AUTS2: variants seen among roughly 807,000 people sequenced by gnomAD.
AUTS2 encodes autism susceptibility gene 2 protein.
In AUTS2, 17 loss-of-function variants were observed where a neutral mutation model predicts 112.4. The observed-to-expected ratio is 0.15, with a 90% CI of 0.10 to 0.23. The LOEUF is 0.23. Among genes scored for constraint, AUTS2 ranks in the 10% least tolerant of loss-of-function variants. The pLI is 1.00. For missense variants in AUTS2, 1,510 were observed against 1,701.6 expected, an observed-to-expected ratio of 0.89 and a Z score of 1.98; for synonymous variants, 751 against 702.7, an observed-to-expected ratio of 1.07 and a Z score of -1.09.
At chr7:70,439,716 A>C (rs913620181) in intron 5 of AUTS2, among the ~76,000 whole-genome samples, 1 of 152,152 alleles carries the variant, frequency 6.6e-6, no homozygotes, top group Non-Finnish European at 1.5e-5. Context: ...ATTCGAAATG[A>C]ATTGGTATCA....
chr7:69,742,358 A>G (rs1787306283), intron 1 of AUTS2, among the ~76,000 whole-genome samples: 1 of 152,030 alleles, frequency 6.6e-6, no homozygotes, highest in Admixed American at 6.6e-5. Context: ...CTAGGGGGAA[A>G]GATTTTCTTC....
chr7:70,433,566 TCTCAA>T (rs1562954614), intron 4 of AUTS2, among the ~76,000 whole-genome samples: 1 of 152,182 alleles, frequency 6.6e-6, no homozygotes, highest in East Asian at 1.9e-4. Context: ...CCAATTTCTT[TCTCAA>T]CTCATTTGAC....
At chr7:70,687,294 A>G (rs547670703) in intron 5 of AUTS2, among the ~76,000 whole-genome samples, 2 of 152,338 alleles carry the variant, frequency 1.3e-5, no homozygotes, top group African/African-American at 2.4e-5. Flanking sequence ...GAGGCCTCAC[A>G]GTTCTCATCA....
chr7:70,023,657 A>C (rs893393068), intron 2 of AUTS2, among the ~76,000 whole-genome samples: 1 of 152,206 alleles, frequency 6.6e-6, no homozygotes, highest in Non-Finnish European at 1.5e-5. Context: ...GGAGGATTCA[A>C]AGCAACATTC....
intron 5 of AUTS2, among the ~76,000 whole-genome samples, chr7:70,511,748 G>A (rs1240404305): frequency 6.6e-6 from 1 of 151,390 alleles, no homozygotes; most frequent in African/African-American, 2.4e-5. Flanking sequence ...GCTAATTTTT[G>A]TATTTTTAAT....
At chr7:70,755,481 A>T (rs1046404009) in intron 6 of AUTS2, among the ~76,000 whole-genome samples, 2 of 152,110 alleles carry the variant, frequency 1.3e-5, no homozygotes, top group African/African-American at 4.8e-5. Context: ...AGCCTGGCCA[A>T]CATGGTGAAA....
Position 70,652,283 on chromosome 7 carries a change from A to G in AUTS2, c.691-46286A>G, listed in dbSNP as rs182126374. Among the ~76,000 whole-genome samples the G allele has an allele frequency of 1.9e-3, 295 of 152,318 alleles. 1 individual carries two copies. The highest frequency in any genetic ancestry group is 6.3e-3 in the African/African-American group (261 of 41,566). On this transcript the variant is annotated intron_variant, in intron 5 of 18. Coordinates refer to ENST00000342771, the MANE Select transcript of AUTS2 (RefSeq NM_015570.4). Reference sequence around the variant, plus strand: ...ACTAAACAGAATTAAGCCACAGCATAATACCCTGCCTTCCTTCTTCTCTAT... The same window carrying G: ...ACTAAACAGAATTAAGCCACAGCATGATACCCTGCCTTCCTTCTTCTCTAT...
intron 1 of AUTS2, chr7:69,663,049 G>A (rs1427537855): frequency 6.6e-6 from 1 of 152,154 alleles, no homozygotes; most frequent in African/African-American, 2.4e-5. Flanking sequence ...ATATTACAGT[G>A]TTTACTTTTC....
intron 5 of AUTS2, among the ~76,000 whole-genome samples, chr7:70,515,723 T>A (rs984472950): frequency 2.0e-5 from 3 of 151,982 alleles, no homozygotes; most frequent in Non-Finnish European, 2.9e-5. Context: ...TCTTTTTTTT[T>A]AAATTTTATT....
chr7:70,012,637 C>T (rs1483663723), intron 2 of AUTS2, among the ~76,000 whole-genome samples: 1 of 151,970 alleles, frequency 6.6e-6, no homozygotes, highest in East Asian at 1.9e-4. Context: ...ATATTCAATT[C>T]ATTTCATTCA....
At chr7:70,261,579 TTCTC>T (rs1042318198) in intron 4 of AUTS2, among the ~76,000 whole-genome samples, 3 of 152,206 alleles carry the variant, frequency 2.0e-5, no homozygotes, top group East Asian at 3.9e-4. Context: ...TAGGTATTCC[TTCTC>T]TCTCTCTCAT....
intron 2 of AUTS2, among the ~76,000 whole-genome samples, chr7:70,003,497 AAT>A (rs1163589245): frequency 4.9e-5 from 6 of 122,790 alleles, no homozygotes; most frequent in Non-Finnish European, 7.8e-5. Flanking sequence ...AATATATATG[AAT>A]ATGTTATATA....
intron 4 of AUTS2, among the ~76,000 whole-genome samples, chr7:70,370,391 T>C (rs1792786966): frequency 6.6e-6 from 1 of 152,208 alleles, no homozygotes; most frequent in Admixed American, 6.5e-5. Context: ...CTCTATAGAT[T>C]TGCCTATTCT....
chr7:70,591,016 A>G (rs1303839982), intron 5 of AUTS2, among the ~76,000 whole-genome samples: 1 of 152,154 alleles, frequency 6.6e-6, no homozygotes, highest in African/African-American at 2.4e-5. Flanking sequence ...TCAGATTTAC[A>G]ATTTTACCTA....
chr7:70,192,241 C>T (rs1809938601), intron 4 of AUTS2, among the ~76,000 whole-genome samples: 1 of 152,134 alleles, frequency 6.6e-6, no homozygotes. Context: ...CTTTCCTTCC[C>T]TTAGAAAGAC....
At chr7:69,907,242 T>A (rs915680438) in intron 2 of AUTS2, among the ~76,000 whole-genome samples, 1 of 152,354 alleles carries the variant, frequency 6.6e-6, no homozygotes, top group South Asian at 2.1e-4. Flanking sequence ...GAGGTTCTTA[T>A]GTAAAATCTG....
intron 1 of AUTS2, among the ~76,000 whole-genome samples, chr7:69,719,539 G>A (rs1488751610): frequency 1.3e-5 from 2 of 152,162 alleles, no homozygotes; most frequent in Admixed American, 1.3e-4. Flanking sequence ...CAGGAAACCT[G>A]TCTTAACCTT....
At chr7:70,748,265 G>C (rs76137663) in intron 6 of AUTS2, among the ~76,000 whole-genome samples, 2,861 of 152,160 alleles carry the variant, frequency 0.019, 78 homozygotes, top group African/African-American at 0.065. Flanking sequence ...TGAAGTAATG[G>C]CAAGCGATGA....
At chr7:70,484,885 T>G (rs147601492) in intron 5 of AUTS2, among the ~76,000 whole-genome samples, 257 of 152,256 alleles carry the variant, frequency 1.7e-3, no homozygotes, top group African/African-American at 5.8e-3. Context: ...GAAAAAATGC[T>G]CAACATCACT....
Sources: allele counts gnomAD v4.1 joint callset (sites outside exome capture counted in the v4.1 genomes callset), GRCh38; gene constraint gnomAD v4.1.1; transcripts MANE v1.5; gene names NCBI Gene and HGNC (gene_info 2026-07-23, HGNC 2026-07-21).